The following HUWE1 variants were observed in gnomAD, a reference collection of about 807,000 sequenced individuals.
HUWE1 encodes the protein E3 ubiquitin-protein ligase HUWE1.
Under a neutral mutation model 299.4 loss-of-function variants are expected in HUWE1, and 18 were observed. The observed-to-expected ratio is 0.06, with a 90% CI of 0.04 to 0.09. The LOEUF (loss-of-function observed/expected upper bound fraction) is 0.09, where lower values mean the gene tolerates loss of function less well. Ranked by LOEUF, HUWE1 falls within the 10% of genes least tolerant of loss-of-function variation. The pLI is 1.00. For synonymous variants in HUWE1, 1,317 were observed against 1,286.1 expected (o/e 1.02, Z -0.51); for missense variants, 1,832 against 3,462.3 (o/e 0.53, Z 11.82).
intron 3 of HUWE1, among the ~76,000 whole-genome samples, chrX:53,665,602 T>TA (rs1384421853): frequency 8.9e-6 from 1 of 112,238 alleles, no homozygotes; most frequent in Non-Finnish European, 1.9e-5. Flanking sequence ...TACTCCCAAT[T>TA]ACTTAGAGAA....
At position 53,584,158 on chromosome X, in the gene HUWE1, C is replaced by T. The variant is rs1216401470; in HGVS notation, c.5161+28G>A. ...ACCTTAAGCCACAAAGGCACATTAGCTTTAGGTAAAACACTCTTGGTACAT... is the reference window on the plus strand; with the variant it reads ...ACCTTAAGCCACAAAGGCACATTAGTTTTAGGTAAAACACTCTTGGTACAT... On this transcript the variant is annotated intron_variant, in intron 41 of 83. Coordinates refer to ENST00000262854, the MANE Select transcript of HUWE1 (RefSeq NM_031407.7). 6 of 1,189,150 alleles carry T rather than the reference C, an allele frequency of 5.0e-6. No homozygotes were observed. In the East Asian group the frequency reaches 1.8e-4, roughly 35 times the overall value.
chrX:53,538,498 C>G (rs782113450), intron 76 of HUWE1, 44 bp from the exon 77 acceptor site: 1 of 924,227 alleles, frequency 1.1e-6, no homozygotes, highest in Non-Finnish European at 1.6e-6. Context: ...ATCATCTGCC[C>G]CAGAAGCTGT....
chrX:53,650,446 G>A (rs1467354802), intron 4 of HUWE1, among the ~76,000 whole-genome samples: 1 of 112,199 alleles, frequency 8.9e-6, no homozygotes, highest in Non-Finnish European at 1.9e-5. Flanking sequence ...CATCTAAGGT[G>A]TGCTTGTGTT....
In HUWE1 at chrX:53,580,877, G is replaced by T. The variant is rs781951312; in HGVS notation, c.5670C>A (p.Asn1890Lys). The T allele has an allele frequency of 1.7e-6, 2 of 1,211,813 alleles. No homozygotes were observed. The stretch of plus-strand genomic sequence containing the variant: ...CAGGAAGGGCGATGCGGATACAGCA[G>T]TTGGCCACTTCTGTGAATATGTCTG... The part of the protein sequence containing the change: ...RNPDIFTEVA[N>K]CCIRIALPAP... The change falls in exon 43 of 84, where the codon AAC becomes AAA. Residue 1890 changes from asparagine to lysine, a missense_variant. Physicochemically the swap from Asn to Lys is moderately conservative, Grantham distance 94. Around this residue, in one of 15 missense-constraint regions of HUWE1, gnomAD observed 47 missense variants for 45.8 expected, o/e 1.03. Transcript: ENST00000262854.
chrX:53,537,445 C>T (rs910136688), intron 78 of HUWE1, 111 bp downstream of exon 78: 1 of 800,869 alleles, frequency 1.2e-6, no homozygotes, highest in Non-Finnish European at 1.8e-6. Context: ...TGGGGAATTC[C>T]TATTAGGGAG....
intron 70 of HUWE1, 55 bp from the exon 71 acceptor site, chrX:53,545,216 A>G: frequency 8.8e-7 from 1 of 1,140,226 alleles, no homozygotes; most frequent in Non-Finnish European, 1.2e-6. Context: ...TAAAGTGGCT[A>G]AAAGCCAAAT....
At chrX:53,656,026 GGC>G (rs2068725900) in intron 3 of HUWE1, among the ~76,000 whole-genome samples, 1 of 111,388 alleles carries the variant, frequency 9.0e-6, no homozygotes, top group Non-Finnish European at 1.9e-5. Flanking sequence ...CCAGAGGATG[GGC>G]GCAGTGGCTC....
chrX:53,628,597 G>A lies in HUWE1; in HGVS notation c.1138C>T (p.His380Tyr). The change falls in exon 15 of 84, where the codon CAC becomes TAC. Residue 380 changes from histidine to tyrosine, a missense_variant. By Grantham distance (83) the His-to-Tyr change is moderately conservative (BLOSUM62 2). Around this residue, in one of 15 missense-constraint regions of HUWE1, gnomAD observed 658 missense variants for 1,282.6 expected, o/e 0.51. Transcript: ENST00000262854. ...MIDPSMDPYP[H>Y]QFATALFSFL... ...GAGAAGAGAGCAGTGGCAAACTGGT[G>A]AGGGTATGGATCCATGGAAGGATCT... The A allele has an allele frequency of 8.5e-7, 1 of 1,169,794 alleles. No individual in the cohort carries two copies. The highest frequency in any genetic ancestry group is 1.1e-6 in the Non-Finnish European group (1 of 873,707).
chrX:53,643,380 G>C (rs868912394), intron 7 of HUWE1, among the ~76,000 whole-genome samples: 27 of 108,629 alleles, frequency 2.5e-4, no homozygotes, highest in African/African-American at 9.1e-4. Context: ...ATAGAGTCTT[G>C]CTCTTGTCAC....
At chrX:53,604,011 A>AT (rs2065028275) in intron 26 of HUWE1, among the ~76,000 whole-genome samples, 1 of 111,643 alleles carries the variant, frequency 9.0e-6, no homozygotes, top group Non-Finnish European at 1.9e-5. Context: ...TTCAGATTTG[A>AT]TTGATTCACA....
At chrX:53,617,286 GAT>G in intron 20 of HUWE1, 52 bp downstream of exon 20, 1 of 993,641 alleles carries the variant, frequency 1.0e-6, no homozygotes, top group South Asian at 2.0e-5. Flanking sequence ...ACACAGAAGA[GAT>G]AGGATTTTCA....
rs782540791 is a variant in HUWE1 at position 53,631,648 on chromosome X, G to A, written c.646-34C>T. 6 of 1,041,020 alleles carry A rather than the reference G, an allele frequency of 5.8e-6. No individual in the cohort carries two copies. The African/African-American group carries it at 7.4e-5, about 13-fold the overall frequency. The allele number at this position is 1,041,020 out of a possible 1,213,427, so 85.8% of individuals were successfully genotyped here. A position where few individuals can be genotyped will look rare whatever the true frequency, so the allele number is the denominator to read the frequency against. On this transcript the variant is annotated intron_variant, in intron 9 of 83. Coordinates refer to ENST00000262854, the MANE Select transcript of HUWE1 (RefSeq NM_031407.7). ...AAAAAAGACAAGAGAGCTGTAAGGA[G>A]TCACTGAACACTCTAGCTTCCCCTT...
intron 72 of HUWE1, 122 bp downstream of exon 72, chrX:53,544,438 A>T: frequency 3.6e-6 from 2 of 554,371 alleles, no homozygotes; most frequent in Non-Finnish European, 6.1e-6. Flanking sequence ...AAAAAAGGAT[A>T]ATCATTTTCC....
chrX:53,595,324 C>G lies in HUWE1; in HGVS notation c.3243G>C (p.Gln1081His). The G allele has an allele frequency of 8.3e-7, 1 of 1,211,212 alleles. No individual in the cohort carries two copies. The highest frequency in any genetic ancestry group is 3.0e-5 in the East Asian group (1 of 33,850). ...TGCTGGCAGCATGATGGCTCCTTCTCTGGCGGACAGGAGATCCCACACAAA... is the reference window on the plus strand; with the variant it reads ...TGCTGGCAGCATGATGGCTCCTTCTGTGGCGGACAGGAGATCCCACACAAA... ...VKLCVGSPVR[Q>H]RRSHHAASTT... Residue 1081 changes from glutamine to histidine, a missense_variant, in exon 30 of 84, where the codon CAG becomes CAC. Around this residue, in one of 15 missense-constraint regions of HUWE1, gnomAD observed 658 missense variants for 1,282.6 expected, o/e 0.51. Transcript: ENST00000262854.
intron 12 of HUWE1, among the ~76,000 whole-genome samples, chrX:53,630,353 A>G (rs1438934966): frequency 2.7e-5 from 3 of 111,816 alleles, no homozygotes; most frequent in African/African-American, 9.8e-5. Flanking sequence ...TCTGTGCTAG[A>G]TTGCTTTCTA....
intron 3 of HUWE1, among the ~76,000 whole-genome samples, chrX:53,664,071 A>C (rs1365484633): frequency 1.8e-5 from 2 of 110,734 alleles, no homozygotes; most frequent in African/African-American, 6.6e-5. Context: ...TTTTTAAAGA[A>C]ACAGGGTCTC....
chrX:53,554,499 C>T (rs1335952635), intron 61 of HUWE1, 134 bp downstream of exon 61: 2 of 632,957 alleles, frequency 3.2e-6, no homozygotes, highest in Non-Finnish European at 2.5e-6. Context: ...AAAGTGAATG[C>T]GCAAGACGAG....
chrX:53,541,900 G>A (rs1185347399), intron 74 of HUWE1, among the ~76,000 whole-genome samples: 1 of 111,670 alleles, frequency 9.0e-6, no homozygotes, highest in Non-Finnish European at 1.9e-5. Flanking sequence ...CACATGCTGG[G>A]CTGGGCGCAG....
intron 3 of HUWE1, among the ~76,000 whole-genome samples, chrX:53,663,395 C>G (rs373180028): frequency 3.9e-4 from 43 of 111,541 alleles, no homozygotes; most frequent in African/African-American, 1.3e-3. Flanking sequence ...TGTCTGTAAT[C>G]CCAGCTACTT....
Sources: allele counts gnomAD v4.1 joint callset (sites outside exome capture counted in the v4.1 genomes callset), GRCh38; gene constraint gnomAD v4.1.1; regional missense constraint gnomAD v4.1.1; transcripts MANE v1.5; gene names NCBI Gene and HGNC (gene_info 2026-07-23, HGNC 2026-07-21).